The following TM2D3 variants were observed in gnomAD, a reference collection of about 807,000 sequenced individuals.
TM2D3 encodes TM2 domain-containing protein 3.
TM2D3 carries 33 observed loss-of-function variants against 27.3 expected under a neutral mutation model. The observed-to-expected ratio is 1.21, with a 90% CI of 0.92 to 1.61. TM2D3 has a LOEUF of 1.61. Among genes scored for constraint, TM2D3 ranks in the 40% most tolerant of loss-of-function variants. The pLI is 0.00. For synonymous variants in TM2D3, 138 were observed against 122.2 expected, an observed-to-expected ratio of 1.13 and a Z score of -0.85; for missense variants, 364 against 320.8, an observed-to-expected ratio of 1.13 and a Z score of -1.03.
At chr15:101,640,964 C>A (rs570657527), downstream of TM2D3, among the ~76,000 whole-genome samples, 1 of 152,342 alleles carries the variant, frequency 6.6e-6, no homozygotes, top group South Asian at 2.1e-4. Context: ...CCTATTTCCA[C>A]CAAGGGCAAT....
chr15:101,636,357 A>C (rs1312997733), intron 4 of TM2D3: 1 of 152,238 alleles, frequency 6.6e-6, no homozygotes, highest in African/African-American at 2.4e-5. Context: ...ACACCCAAAG[A>C]TGCTGGGGTC....
At chr15:101,650,664 A>G (rs1896944632) in intron 2 of TM2D3, 1 of 152,302 alleles carries the variant, frequency 6.6e-6, no homozygotes, top group African/African-American at 2.4e-5. Context: ...AAATGTCATT[A>G]TTTCACACTG....
intron 1 of TM2D3, 109 bp downstream of exon 1, chr15:101,652,162 C>T: frequency 9.4e-7 from 1 of 1,064,124 alleles, no homozygotes; most frequent in Non-Finnish European, 1.4e-6. Context: ...GCCCGGCACT[C>T]GGCCTCCTCC....
At chr15:101,639,066 A>G (rs1370281447), downstream of TM2D3, among the ~76,000 whole-genome samples, 1 of 152,232 alleles carries the variant, frequency 6.6e-6, no homozygotes, top group African/African-American at 2.4e-5. Flanking sequence ...CGTATTTTGC[A>G]TAAAAGTGTT....
chr15:101,651,891 A>C, intron 1 of TM2D3, 118 bp from the exon 2 acceptor site: 6 of 1,013,562 alleles, frequency 5.9e-6, no homozygotes, highest in Non-Finnish European at 9.3e-6. Context: ...TGAAAACCTC[A>C]CGGCTGGTCA....
intron 5 of TM2D3, among the ~76,000 whole-genome samples, chr15:101,643,669 T>A (rs563010654): frequency 1.2e-4 from 18 of 148,830 alleles, no homozygotes; most frequent in Non-Finnish European, 2.1e-4. Flanking sequence ...GTTTTAATTG[T>A]TGAAAGTATG....
In TM2D3 at chr15:101,648,486, G is replaced by T. The variant is rs180770677; in HGVS notation, c.327+1518C>A. ...TTTTTAATGGTTTTTTAAAAAGTAG[G>T]TGACACATGTACATGGAACACATGT... On this transcript the variant is annotated intron_variant, in intron 3 of 5. Coordinates refer to ENST00000333202, the MANE Select transcript of TM2D3 (RefSeq NM_078474.3). Among the ~76,000 whole-genome samples, 85 of 152,278 alleles carry T rather than the reference G, an allele frequency of 5.6e-4. 1 individual carries two copies. Among genetic ancestry groups the T allele is most frequent in the African/African-American group, 1.9e-3 (80 of 41,554 alleles).
intron 4 of TM2D3, chr15:101,645,804 C>T (rs1350266082): frequency 6.3e-5 from 8 of 126,576 alleles, no homozygotes; most frequent in African/African-American, 2.0e-4. Flanking sequence ...TGAAAATATA[C>T]AATAATGCAA....
chr15:101,651,634 AAAC>A, intron 2 of TM2D3, 59 bp downstream of exon 2: 1 of 1,497,914 alleles, frequency 6.7e-7, no homozygotes, highest in Non-Finnish European at 9.1e-7. Flanking sequence ...ATTTTTATAA[AAAC>A]AAAGAGAAAC....
chr15:101,641,619 G>A (rs1896670904), downstream of TM2D3, among the ~76,000 whole-genome samples: 1 of 152,204 alleles, frequency 6.6e-6, no homozygotes, highest in African/African-American at 2.4e-5. Context: ...AAGCAAGCTT[G>A]AGTAAAAATC....
intron 3 of TM2D3, chr15:101,648,269 C>T (rs1363396079): frequency 1.3e-5 from 2 of 152,204 alleles, no homozygotes; most frequent in African/African-American, 4.8e-5. Flanking sequence ...CTAATTCTCT[C>T]TGTATGGTTC....
chr15:101,646,596 G>T, intron 4 of TM2D3, 129 bp downstream of exon 4: 1 of 922,656 alleles, frequency 1.1e-6, no homozygotes, highest in Non-Finnish European at 1.7e-6. Flanking sequence ...ATGATGCTTG[G>T]CACATCTAAA....
chr15:101,641,566 C>A (rs936330041), downstream of TM2D3, among the ~76,000 whole-genome samples: 1 of 152,132 alleles, frequency 6.6e-6, no homozygotes, highest in Non-Finnish European at 1.5e-5. Context: ...AACTCAGATA[C>A]CCACATTTGA....
chr15:101,634,304 CAT>C (rs1407553260), intron 4 of TM2D3: 1 of 152,356 alleles, frequency 6.6e-6, no homozygotes, highest in Non-Finnish European at 1.5e-5. Flanking sequence ...TGTGGTGGTG[CAT>C]GCCTGTAATC....
intron 5 of TM2D3, among the ~76,000 whole-genome samples, chr15:101,644,658 AG>A (rs1305521962): frequency 6.6e-6 from 1 of 152,248 alleles, no homozygotes. Context: ...TTTCTATGTA[AG>A]AAATATAAGC....
At chr15:101,645,318 T>C in intron 4 of TM2D3, 156 bp from the exon 5 acceptor site, 1 of 627,244 alleles carries the variant, frequency 1.6e-6, no homozygotes, top group Non-Finnish European at 2.8e-6. Context: ...TTACCATCTA[T>C]CTACATAGAT....
At chr15:101,645,197 T>TA (rs1896774469) in intron 4 of TM2D3, 35 bp from the exon 5 acceptor site, 1 of 1,511,780 alleles carries the variant, frequency 6.6e-7, no homozygotes, top group Non-Finnish European at 9.0e-7. Context: ...ATACAGGGTA[T>TA]AAAAAATACT....
At chr15:101,641,583 A>C (rs1180475886), downstream of TM2D3, among the ~76,000 whole-genome samples, 1 of 152,256 alleles carries the variant, frequency 6.6e-6, no homozygotes, top group Non-Finnish European at 1.5e-5. Context: ...TTGAAAGAAA[A>C]AATGCTAAGT....
In TM2D3 at chr15:101,650,100, A is replaced by G; in HGVS notation, c.231T>C (p.Leu77=). 2 of 1,614,214 alleles carry G rather than the reference A, an allele frequency of 1.2e-6. No homozygotes were observed. The highest frequency in any genetic ancestry group is 1.7e-6 in the Non-Finnish European group (2 of 1,180,016). ...KCPSNGLCSR[L]PADCIDCTTN... ...TTGTGCAGTCTATACAGTCTGCAGG[A>G]AGCCTGCTACACAAACCATTGCTCG... is the stretch of plus-strand genomic sequence containing the variant. Residue 77 remains leucine, a synonymous_variant, in exon 3 of 6, where the codon CTT becomes CTC. Transcript: ENST00000333202.
Sources: gnomAD v4.1 joint callset for allele counts (sites outside exome capture counted in the v4.1 genomes callset) on GRCh38, gnomAD v4.1.1 for gene constraint, MANE v1.5 for transcripts, NCBI Gene and HGNC (gene_info 2026-07-23, HGNC 2026-07-21) for gene names.